The following KIF1A variants were observed in gnomAD, a reference collection of about 807,000 sequenced individuals.
The protein encoded by KIF1A is kinesin family member 1A.
KIF1A carries 46 observed loss-of-function variants against 227.3 expected under a neutral mutation model. The observed-to-expected ratio is 0.20, with a 90% CI of 0.16 to 0.26. KIF1A has a LOEUF of 0.26. KIF1A is among the 10% of genes least tolerant of loss of function. The probability of loss-of-function intolerance (pLI) is 1.00; values close to 1 mark genes in which losing one functional copy is unlikely to be tolerated. For missense variants in KIF1A, 1,683 were observed against 2,485.9 expected (o/e 0.68, Z 6.87); for synonymous variants, 1,022 against 1,012.8 (o/e 1.01, Z -0.17).
rs983520439 is a variant in KIF1A at position 240,790,551 on chromosome 2, G to A, written c.107-1239C>T. ...ATGCCCCAGTTACGAGTTAAACTGT[G>A]TCCCCCTAATTTCATATTTTGAAGC... On this transcript the variant is annotated intron_variant, in intron 2 of 48. Coordinates refer to ENST00000498729, the MANE Select transcript of KIF1A (RefSeq NM_001244008.2). The surrounding 1 kb of genome is among the most constrained non-coding windows in gnomAD (Gnocchi z 5.0). 6.6e-6 allele frequency among the ~76,000 whole-genome samples: 1 copy of A among 152,098 alleles called. No individual in the cohort carries two copies. Among genetic ancestry groups the A allele is most frequent in the African/African-American group, 2.4e-5 (1 of 41,502 alleles).
At position 240,725,337 on chromosome 2, in the gene KIF1A, G is replaced by C; in HGVS notation, c.4190C>G (p.Ala1397Gly). ...DFCMVFYSRD[A>G]KLPASRSIRN... ...GATGGAGCGCGAGGCTGGCAGCTTG[G>C]CATCACGGGAATAGAAGACCATGCA... The change falls in exon 40 of 49, where the codon GCC becomes GGC. Residue 1397 changes from alanine to glycine, a missense_variant. Physicochemically the swap from Ala to Gly is moderately conservative, Grantham distance 60. Coordinates refer to ENST00000498729, the MANE Select transcript of KIF1A (RefSeq NM_001244008.2). The surrounding 1 kb of genome is among the most constrained non-coding windows in gnomAD (Gnocchi z 5.8). 1 of 1,611,834 alleles carries C rather than the reference G, an allele frequency of 6.2e-7. No homozygotes were observed. Among genetic ancestry groups the C allele is most frequent in the Non-Finnish European group, 8.5e-7 (1 of 1,179,528 alleles).
intron 38 of KIF1A, among the ~76,000 whole-genome samples, chr2:240,734,135 G>C (rs1015885260): frequency 6.6e-6 from 1 of 152,208 alleles, no homozygotes; most frequent in Non-Finnish European, 1.5e-5. Flanking sequence ...GGCTGGAGCC[G>C]CTGTCCCTCC....
rs1348038588 is a variant in KIF1A at position 240,793,472 on chromosome 2, A to C, written c.107-4160T>G. On this transcript the variant is annotated intron_variant, in intron 2 of 48. Coordinates refer to ENST00000498729, the MANE Select transcript of KIF1A (RefSeq NM_001244008.2). This position sits in a 1 kb window ranked among gnomAD's most constrained non-coding sequence, Gnocchi z 4.8. ...CACATGGCTGAGGGTCCGCGTCCCC[A>C]GCCAGCCTCCAGCATCTGCAGAATG... Among the ~76,000 whole-genome samples the C allele has an allele frequency of 6.6e-6, 1 of 152,196 alleles. No homozygotes were observed. The highest frequency in any genetic ancestry group is 1.5e-5 in the Non-Finnish European group (1 of 68,036).
intron 15 of KIF1A, 94 bp from the exon 16 acceptor site, chr2:240,769,800 C>T: frequency 1.0e-6 from 1 of 989,834 alleles, no homozygotes; most frequent in Non-Finnish European, 1.5e-6. Flanking sequence ...AGCTGCAAAG[C>T]ACAAGCGCCA....
chr2:240,808,115 T>C (rs538165873), intron 1 of KIF1A, among the ~76,000 whole-genome samples: 2 of 152,224 alleles, frequency 1.3e-5, no homozygotes, highest in African/African-American at 2.4e-5. Flanking sequence ...CTATCTCTAC[T>C]TCTATTTAAC....
At chr2:240,763,417 G>C in intron 20 of KIF1A, 71 bp from the exon 21 acceptor site, 1 of 1,417,234 alleles carries the variant, frequency 7.1e-7, no homozygotes. Flanking sequence ...CAAGCGGGGA[G>C]GCGTGAGGAG....
intron 47 of KIF1A, among the ~76,000 whole-genome samples, chr2:240,718,425 C>T (rs2044828399): frequency 6.6e-6 from 1 of 152,226 alleles, no homozygotes; most frequent in Admixed American, 6.5e-5. Flanking sequence ...CCCTCATGGC[C>T]CCTGCTCCCT....
chr2:240,808,769 G>A (rs915896164), intron 1 of KIF1A, among the ~76,000 whole-genome samples: 2 of 151,586 alleles, frequency 1.3e-5, no homozygotes, highest in African/African-American at 4.9e-5. Context: ...TCACACCGTC[G>A]CCTGGGATTG....
rs2044663644 is a variant in KIF1A, at chr2:240,717,220, C to T, written c.*144G>A. 1 of 692,494 alleles carries T rather than the reference C, an allele frequency of 1.4e-6. No individual in the cohort carries two copies. Among genetic ancestry groups the T allele is most frequent in the Admixed American group, 2.4e-5 (1 of 41,648 alleles). 42.9% of individuals were successfully genotyped at this position (692,494 alleles called of 1,614,324 possible). On this transcript the variant is annotated 3_prime_UTR_variant, in exon 49 of 49. Coordinates refer to ENST00000498729, the MANE Select transcript of KIF1A (RefSeq NM_001244008.2). ...CAGCTGGTCGTGTGGCACAGGTCCC[C>T]GGGCCTGGCATGGGCGTCCCCTGGG...
In KIF1A at chr2:240,737,116, G is replaced by A. The variant is rs2047418022; in HGVS notation, c.3954C>T (p.Ile1318=). 1.9e-6 allele frequency: 3 copies of A among 1,613,732 alleles called. No homozygotes were observed. Among genetic ancestry groups the A allele is most frequent in the African/African-American group, 1.3e-5 (1 of 74,936 alleles). The part of the protein sequence containing the change: ...ETDESLIDPN[I]LSLNILSSGY... ...CGGAAGAGAGGATGTTGAGAGACAA[G>A]ATGTTGGGGTCGATCAGGGACTCGT... Residue 1318 remains isoleucine (I), a synonymous_variant, in exon 38 of 49, where the codon ATC becomes ATT. Transcript: ENST00000498729.
intron 5 of KIF1A, among the ~76,000 whole-genome samples, chr2:240,786,762 A>AGCATCAGGAACCCTGAGTGAGGGGGTG (rs2054911363): frequency 1.4e-5 from 1 of 69,120 alleles, no homozygotes; most frequent in African/African-American, 5.7e-5. Flanking sequence ...GTGAGAGGGT[A>AGCATCAGGAACCCTGAGTGAGGGGGTG]GGGGCCACCA....
chr2:240,718,888 G>C (rs369347257), intron 47 of KIF1A, 118 bp downstream of exon 47: 1 of 795,612 alleles, frequency 1.3e-6, no homozygotes, highest in Non-Finnish European at 2.0e-6. Context: ...GGAACAGGAC[G>C]GAGTCTGGGG....
At chr2:240,717,932 C>T in intron 48 of KIF1A, 118 bp downstream of exon 48, 1 of 731,316 alleles carries the variant, frequency 1.4e-6, no homozygotes, top group Non-Finnish European at 2.4e-6. Flanking sequence ...GGATTGAGGG[C>T]AGGACCCCTG....
At chr2:240,812,470 G>T (rs1301864505) in intron 1 of KIF1A, among the ~76,000 whole-genome samples, 3 of 152,012 alleles carry the variant, frequency 2.0e-5, no homozygotes, top group Non-Finnish European at 4.4e-5. Context: ...CTTCACCTCA[G>T]GGGCCCGCCT....
chr2:240,804,364 A>C (rs1024066232), intron 1 of KIF1A, among the ~76,000 whole-genome samples: 1 of 152,246 alleles, frequency 6.6e-6, no homozygotes, highest in Non-Finnish European at 1.5e-5. Context: ...GACACCCTCC[A>C]TTATAAAGCA....
rs141441058 is a variant in KIF1A at position 240,722,517 on chromosome 2, G to A, written c.4604C>T (p.Ala1535Val). The A allele has an allele frequency of 7.2e-3, 11,125 of 1,548,294 alleles. 55 individuals carry two copies. Among genetic ancestry groups the A allele is most frequent in the Non-Finnish European group, 9.1e-3 (10,467 of 1,146,748 alleles). The part of the protein sequence containing the change: ...GSSSASSPLS[A>V]EGRPSPLEAP... ...CTCCAGGGGTGATGGGCGGCCCTCA[G>A]CCGAGAGCGGGGAGGAGGCGCTGGA... Residue 1535 changes from alanine (A) to valine (V), a missense_variant, in exon 43 of 49, where the codon GCT becomes GTT. By Grantham distance (64) the Ala-to-Val change is moderately conservative. Coordinates refer to ENST00000498729, the MANE Select transcript of KIF1A (RefSeq NM_001244008.2).
intron 43 of KIF1A, 23 bp from the exon 44 acceptor site, chr2:240,721,907 G>A: frequency 1.9e-5 from 30 of 1,588,250 alleles, no homozygotes; most frequent in Non-Finnish European, 2.5e-5. Flanking sequence ...CACACGCGTG[G>A]TCAGGGGCCA....
chr2:240,732,994 G>GATGAGGGAGGGATGAGGGAGA (rs2046920735), intron 38 of KIF1A, among the ~76,000 whole-genome samples: 2 of 125,722 alleles, frequency 1.6e-5, no homozygotes, highest in African/African-American at 6.1e-5. Flanking sequence ...ATGAGGAAGG[G>GATGAGGGAGGGATGAGGGAGA]ATGAGGGAGG....
chr2:240,746,074 G>A lies in KIF1A; in HGVS notation c.3167C>T (p.Pro1056Leu), dbSNP rs1236411710. The A allele has an allele frequency of 1.9e-6, 3 of 1,601,826 alleles. No individual in the cohort carries two copies. Among genetic ancestry groups the A allele is most frequent in the Non-Finnish European group, 2.6e-6 (3 of 1,174,732 alleles). Reference sequence around the variant, plus strand: ...GTTGTTGTTGACTTCATCGGCTGAGGGCCCCACGTCTGCACCCTGGCCCTG... The same window carrying A: ...GTTGTTGTTGACTTCATCGGCTGAGAGCCCCACGTCTGCACCCTGGCCCTG... The part of the protein sequence containing the change: ...EGQGQGADVG[P>L]SADEVNNNTC... The change falls in exon 30 of 49, where the codon CCC becomes CTC. Residue 1056 changes from proline (P) to leucine (L), a missense_variant. Around this residue, in one of 12 missense-constraint regions of KIF1A, gnomAD observed 759 missense variants for 1,020.2 expected, o/e 0.74. Transcript: ENST00000498729.
Sources: allele counts gnomAD v4.1 joint callset (sites outside exome capture counted in the v4.1 genomes callset), GRCh38; gene constraint gnomAD v4.1.1; regional missense constraint gnomAD v4.1.1; non-coding constraint Gnocchi (gnomAD v3.1); transcripts MANE v1.5; gene names NCBI Gene and HGNC (gene_info 2026-07-23, HGNC 2026-07-21).